The following PIEZO2 variants were observed in gnomAD, a reference collection of about 807,000 sequenced individuals.
The protein encoded by PIEZO2 is piezo-type mechanosensitive ion channel component 2.
A neutral mutation model predicts 337.3 loss-of-function variants in PIEZO2; 172 were observed. The observed-to-expected ratio is 0.51, with a 90% CI of 0.45 to 0.58. The LOEUF is 0.58. Among genes scored for constraint, PIEZO2 ranks in the 20% least tolerant of loss-of-function variants. PIEZO2 has a pLI of 0.00. For synonymous variants in PIEZO2, 1,251 were observed against 1,228.5 expected (o/e 1.02, Z -0.38); for missense variants, 3,028 against 3,391.3 (o/e 0.89, Z 2.66).
rs1210695479 is a variant in PIEZO2, at chr18:11,125,323, G to A, written c.64+23202C>T. ...TACGATGTGTCCGACAAAAGACAGT[G>A]CTGTTAAGTCATCAGCATTGTTACA... On this transcript the variant is annotated intron_variant, in intron 1 of 55. Coordinates refer to ENST00000674853, the MANE Select transcript of PIEZO2 (RefSeq NM_001378183.1). This position sits in a 1 kb window ranked among gnomAD's most constrained non-coding sequence, Gnocchi z 4.4. 1.3e-5 allele frequency among the ~76,000 whole-genome samples: 2 copies of A among 152,222 alleles called. No homozygotes were observed. The highest frequency in any genetic ancestry group is 2.9e-5 in the Non-Finnish European group (2 of 68,050).
chr18:10,852,415 T>C (rs1396336902), intron 7 of PIEZO2, among the ~76,000 whole-genome samples: 1 of 152,144 alleles, frequency 6.6e-6, no homozygotes. Flanking sequence ...TTTAACTGAA[T>C]TTAAGTGGTC....
chr18:11,066,428 A>G (rs1460291078), intron 1 of PIEZO2, among the ~76,000 whole-genome samples: 1 of 152,230 alleles, frequency 6.6e-6, no homozygotes, highest in Non-Finnish European at 1.5e-5. Flanking sequence ...GCAGATAATT[A>G]AAATACATCA....
In PIEZO2 at chr18:10,691,456, AAAAC is replaced by A. The variant is rs1164774980; in HGVS notation, c.7191-77_7191-74del. On this transcript the variant is annotated intron_variant, in intron 47 of 55. Transcript: ENST00000674853. ...AACAAAAGGATGGCAGTGTCAAATT[AAAAC>A]AACAGGCCAACAGAATTTCCCCTTC... is the stretch of plus-strand genomic sequence containing the variant. The A allele has an allele frequency of 4.1e-6, 6 of 1,463,646 alleles. No individual in the cohort carries two copies. The African/African-American group carries it at 8.4e-5, about 20-fold the overall frequency. The allele number at this position is 1,463,646 out of a possible 1,614,324, so 90.7% of individuals were successfully genotyped here. A position where few individuals can be genotyped will look rare whatever the true frequency, so the allele number is the denominator to read the frequency against.
In PIEZO2 at chr18:10,855,404, TATAA is replaced by T. The variant is rs1162005235; in HGVS notation, c.862_865del (p.Leu288ThrfsTer25). The T allele has an allele frequency of 1.3e-6, 2 of 1,537,126 alleles. No individual in the cohort carries two copies. The highest frequency in any genetic ancestry group is 2.4e-5 in the East Asian group (1 of 40,914). ...TGCCTCTTGAAAGAATTGGAACTGG[TATAA>T]ATAAAGTCCAATCAAATGTCCAGCA... is the stretch of plus-strand genomic sequence containing the variant. On this transcript the variant is annotated frameshift_variant, in exon 7 of 56. Transcript: ENST00000674853. LOFTEE classifies it high-confidence loss of function. The surrounding 1 kb of genome is among the most constrained non-coding windows in gnomAD (Gnocchi z 4.9).
rs1400281877 is a variant in PIEZO2, at chr18:10,871,395, C to T, written c.350G>A (p.Gly117Asp). The T allele has an allele frequency of 6.5e-7, 1 of 1,536,802 alleles. No individual in the cohort carries two copies. The highest frequency in any genetic ancestry group is 1.2e-5 in the South Asian group (1 of 83,922). ...GFESLKGADA[G>D]NGIRVFVPDI... ...AGGTACAAACACTCTGATCCCATTG[C>T]CAGCATCAGCTCCCTTTAAGCTATA... Residue 117 changes from glycine (G) to aspartate (D), a missense_variant, in exon 5 of 56, where the codon GGC (glycine) becomes GAC (aspartate). By Grantham distance (94) the Gly-to-Asp change is moderately conservative. Coordinates refer to ENST00000674853, the MANE Select transcript of PIEZO2 (RefSeq NM_001378183.1).
intron 36 of PIEZO2, among the ~76,000 whole-genome samples, 192 bp downstream of exon 36, chr18:10,731,215 A>ATATATATATATATATATATC (rs1290190163): frequency 1.6e-5 from 2 of 128,722 alleles, no homozygotes; most frequent in African/African-American, 5.9e-5. Context: ...ATATATATAT[A>ATATATATATATATATATATC]TATCTCCTAA....
At chr18:10,691,162 C>A in intron 48 of PIEZO2, 63 bp downstream of exon 48, 1 of 1,540,458 alleles carries the variant, frequency 6.5e-7, no homozygotes, top group South Asian at 1.2e-5. Context: ...AGTTGGGAAT[C>A]AAAATGCCTT....
rs200538640 is a variant in PIEZO2, at chr18:10,911,758, A to AAAAC, written c.287-534_287-531dup. 0.012 allele frequency among the ~76,000 whole-genome samples: 209 copies of AAAAC among 17,698 alleles called. No individual in the cohort carries two copies. In the East Asian group the frequency reaches 0.25, roughly 21 times the overall value. 11.6% of individuals were successfully genotyped at this position (17,698 alleles called of 152,430 possible). ...GACAAGAGCAAAACTCCATCTTGAA[A>AAAAC]AAACAAAACAAAACAAAACAACAAC... On this transcript the variant is annotated intron_variant, in intron 3 of 55. Coordinates refer to ENST00000674853, the MANE Select transcript of PIEZO2 (RefSeq NM_001378183.1).
In PIEZO2 at chr18:10,795,902, T is replaced by C. The variant is rs1359937074; in HGVS notation, c.1528-900A>G. Among the ~76,000 whole-genome samples the C allele has an allele frequency of 6.6e-6, 1 of 152,152 alleles. No homozygotes were observed. Among genetic ancestry groups the C allele is most frequent in the Non-Finnish European group, 1.5e-5 (1 of 68,036 alleles). ...TCAAATTTCCTAAGAAAATTTGTTT[T>C]TGGGAAAAGGAGAGATTATAGCTTC... On this transcript the variant is annotated intron_variant, in intron 12 of 55. Transcript: ENST00000674853. This position sits in a 1 kb window ranked among gnomAD's most constrained non-coding sequence, Gnocchi z 4.4.
intron 7 of PIEZO2, among the ~76,000 whole-genome samples, chr18:10,832,698 T>TG (rs1172394922): frequency 5.9e-5 from 9 of 152,160 alleles, no homozygotes; most frequent in Non-Finnish European, 1.2e-4. Flanking sequence ...ATTCCATCAG[T>TG]TCCCTCCATG....
intron 2 of PIEZO2, among the ~76,000 whole-genome samples, chr18:10,994,521 T>C (rs1408260015): frequency 6.6e-6 from 1 of 151,762 alleles, no homozygotes; most frequent in Non-Finnish European, 1.5e-5. Flanking sequence ...GCAATTTTCC[T>C]GCCTCACCCT....
At chr18:10,996,047 T>C (rs2035310004) in intron 2 of PIEZO2, among the ~76,000 whole-genome samples, 1 of 147,150 alleles carries the variant, frequency 6.8e-6, no homozygotes. Flanking sequence ...TTTGAAACAA[T>C]AGAGTTTGGG....
chr18:10,940,223 A>T lies in PIEZO2; in HGVS notation c.287-28995T>A, dbSNP rs918295728. Among the ~76,000 whole-genome samples, 1 of 152,212 alleles carries T rather than the reference A, an allele frequency of 6.6e-6. No homozygotes were observed. The highest frequency in any genetic ancestry group is 1.5e-5 in the Non-Finnish European group (1 of 68,032). ...TGAGTGTTCATTGGTGATTGCTGAT[A>T]TTCAAGATGCGTGAATTAGTGAGTA... On this transcript the variant is annotated intron_variant, in intron 3 of 55. Transcript: ENST00000674853. This position sits in a 1 kb window ranked among gnomAD's most constrained non-coding sequence, Gnocchi z 5.3.
intron 27 of PIEZO2, among the ~76,000 whole-genome samples, chr18:10,757,241 TG>T (rs2037907264): frequency 7.7e-6 from 1 of 129,672 alleles, no homozygotes; most frequent in African/African-American, 3.0e-5. Context: ...GAAAGGGGGA[TG>T]AGGATGTGCT....
Position 10,830,283 on chromosome 18 carries a change from C to A in PIEZO2, c.918-23009G>T, listed in dbSNP as rs1420605291. Among the ~76,000 whole-genome samples the A allele has an allele frequency of 2.0e-5, 3 of 152,156 alleles. No individual in the cohort carries two copies. Among genetic ancestry groups the A allele is most frequent in the South Asian group, 4.1e-4 (2 of 4,828 alleles). On this transcript the variant is annotated intron_variant, in intron 7 of 55. Transcript: ENST00000674853. The surrounding 1 kb of genome is among the most constrained non-coding windows in gnomAD (Gnocchi z 4.7). ...GACCCCTATCTCTCACCACACACAA[C>A]AATAAATCAAAATGAATTAAAGACT...
At chr18:10,689,138 T>C (rs762242605) in intron 49 of PIEZO2, among the ~76,000 whole-genome samples, 1 of 152,236 alleles carries the variant, frequency 6.6e-6, no homozygotes, top group African/African-American at 2.4e-5. Context: ...CAGACTCTTC[T>C]TCCATATATT....
In PIEZO2 at chr18:10,724,654, G is replaced by A; in HGVS notation, c.5030-6395C>T. The A allele has an allele frequency of 1.2e-6, 1 of 800,334 alleles. No individual in the cohort carries two copies. The highest frequency in any genetic ancestry group is 2.1e-6 in the Non-Finnish European group (1 of 486,932). The allele number at this position is 800,334 out of a possible 1,614,324, so 49.6% of individuals were successfully genotyped here. A position where few individuals can be genotyped will look rare whatever the true frequency, so the allele number is the denominator to read the frequency against. ...CTCGGGGTCTCAGGCGTATGATCAG[G>A]CACCCACCAGCCCACCTACCAGTCT... is the stretch of plus-strand genomic sequence containing the variant. On this transcript the variant is annotated intron_variant, in intron 36 of 55. Coordinates refer to ENST00000674853, the MANE Select transcript of PIEZO2 (RefSeq NM_001378183.1). The surrounding 1 kb of genome is among the most constrained non-coding windows in gnomAD (Gnocchi z 5.8).
Position 10,727,115 on chromosome 18 carries a change from G to C in PIEZO2, c.5029+4292C>G. ...ATCAAAGGGTTTGTGTCCCTTGCTA[G>C]CCTCCCTGGGGCCTGGGGATCTGCA... is the stretch of plus-strand genomic sequence containing the variant. On this transcript the variant is annotated intron_variant, in intron 36 of 55. Transcript: ENST00000674853. This position sits in a 1 kb window ranked among gnomAD's most constrained non-coding sequence, Gnocchi z 6.3. 2.2e-6 allele frequency: 1 copy of C among 463,690 alleles called. No individual in the cohort carries two copies. The highest frequency in any genetic ancestry group is 3.7e-6 in the Non-Finnish European group (1 of 266,850). The allele number at this position is 463,690 out of a possible 1,614,324, so 28.7% of individuals were successfully genotyped here. A position where few individuals can be genotyped will look rare whatever the true frequency, so the allele number is the denominator to read the frequency against.
At chr18:11,142,325 A>C (rs982395566) in intron 1 of PIEZO2, among the ~76,000 whole-genome samples, 10 of 152,370 alleles carry the variant, frequency 6.6e-5, no homozygotes, top group African/African-American at 2.4e-4. Flanking sequence ...GACAGTTAAG[A>C]AATTATGAAA....
Sources: gnomAD v4.1 joint callset for allele counts (sites outside exome capture counted in the v4.1 genomes callset) on GRCh38, gnomAD v4.1.1 for gene constraint, Gnocchi (gnomAD v3.1) non-coding constraint, MANE v1.5 for transcripts, NCBI Gene and HGNC (gene_info 2026-07-23, HGNC 2026-07-21) for gene names.